Variants in GDF3 observed in about 807,000 individuals in gnomAD.
The protein encoded by GDF3 is growth differentiation factor 3, also known as growth/differentiation factor 3.
A neutral mutation model predicts 10.2 loss-of-function variants in GDF3; 10 were observed. The ratio of observed to expected loss-of-function variants is 0.98; its 90% CI spans 0.60 to 1.66. GDF3 has a LOEUF of 1.66. Among genes scored for constraint, GDF3 ranks in the 40% most tolerant of loss-of-function variants. The pLI is 0.00. For synonymous variants in GDF3, 166 were observed against 178.5 expected (o/e 0.93, Z 0.56); for missense variants, 450 against 438.3 (o/e 1.03, Z -0.24).
At chr12:7,691,622 T>C (rs1025442755) in intron 1 of GDF3, among the ~76,000 whole-genome samples, 1 of 151,822 alleles carries the variant, frequency 6.6e-6, no homozygotes, top group Non-Finnish European at 1.5e-5. Context: ...CCGAAATTTA[T>C]GGTAGTTATA....
intron 1 of GDF3, among the ~76,000 whole-genome samples, chr12:7,691,673 A>C (rs1489089875): frequency 6.6e-6 from 1 of 152,032 alleles, no homozygotes; most frequent in Non-Finnish European, 1.5e-5. Flanking sequence ...TATTACATGA[A>C]TAAAGCATTA....
At chr12:7,693,933 A>G (rs1477513020) in intron 1 of GDF3, among the ~76,000 whole-genome samples, 4 of 152,092 alleles carry the variant, frequency 2.6e-5, no homozygotes, top group Admixed American at 6.6e-5. Context: ...AGCCTGGGTG[A>G]CACAGCAAGA....
rs773125814 is a variant in GDF3 at position 7,690,879 on chromosome 12, C to T, written c.269-175G>A. On this transcript the variant is annotated intron_variant, in intron 1 of 1. Coordinates refer to ENST00000329913, the MANE Select transcript of GDF3 (RefSeq NM_020634.3). ...CTGAAAGCCAGAGGGTCCCCAGGTG[C>T]GGCGGCTCACGCCTGTAATCCCAGC... is the stretch of plus-strand genomic sequence containing the variant. Among the ~76,000 whole-genome samples, 10 of 152,040 alleles carry T rather than the reference C, an allele frequency of 6.6e-5. No homozygotes were observed. In the East Asian group the frequency reaches 1.6e-3, roughly 24 times the overall value.
In GDF3 at chr12:7,689,949, G is replaced by T; in HGVS notation, c.1024C>A (p.Gln342Lys). Residue 342 changes from glutamine (Q) to lysine (K), a missense_variant, in exon 2 of 2, where the codon CAG becomes AAG. Coordinates refer to ENST00000329913, the MANE Select transcript of GDF3 (RefSeq NM_020634.3). ...AGAATGACATTGTCATTATTGTCCT[G>T]GTAGAGCATGGAAATGGGAGACAGC... is the stretch of plus-strand genomic sequence containing the variant. ...TKLSPISMLYQDNNDNVILRH... is the reference protein window; with the variant it reads ...TKLSPISMLYKDNNDNVILRH... 6.2e-7 allele frequency: 1 copy of T among 1,613,770 alleles called. No individual in the cohort carries two copies. The highest frequency in any genetic ancestry group is 8.5e-7 in the Non-Finnish European group (1 of 1,179,682).
Position 7,690,719 on chromosome 12 carries a change from A to T in GDF3, c.269-15T>A. Reference sequence around the variant, plus strand: ...AAGAAAGAAACCTAGATGGGAAAAGAGACATGTCAGAGTCATAATGATGTA... The same window carrying T: ...AAGAAAGAAACCTAGATGGGAAAAGTGACATGTCAGAGTCATAATGATGTA... On this transcript the variant is annotated splice_polypyrimidine_tract_variant and intron_variant, in intron 1 of 1. Coordinates refer to ENST00000329913, the MANE Select transcript of GDF3 (RefSeq NM_020634.3). The T allele has an allele frequency of 7.2e-7, 1 of 1,397,640 alleles. No homozygotes were observed. Among genetic ancestry groups the T allele is most frequent in the Non-Finnish European group, 1.0e-6 (1 of 983,004 alleles). 86.6% of individuals were successfully genotyped at this position (1,397,640 alleles called of 1,614,324 possible).
intron 1 of GDF3, among the ~76,000 whole-genome samples, chr12:7,691,932 G>T (rs975193947): frequency 6.6e-6 from 1 of 151,860 alleles, no homozygotes; most frequent in African/African-American, 2.4e-5. Flanking sequence ...GTGTGAACCC[G>T]GGAGGCGGAG....
chr12:7,691,804 G>C lies in GDF3; in HGVS notation c.269-1100C>G, dbSNP rs148969878. Among the ~76,000 whole-genome samples, 516 of 150,004 alleles carry C rather than the reference G, an allele frequency of 3.4e-3. 3 individuals are homozygous for C. The highest frequency in any genetic ancestry group is 0.012 in the African/African-American group (481 of 40,972). On this transcript the variant is annotated intron_variant, in intron 1 of 1. Transcript: ENST00000329913. Reference sequence around the variant, plus strand: ...GGGCGGATCACGAGATGAGGAGATCGAGACCATCCTGGCTAACACGGTAAA... The same window carrying C: ...GGGCGGATCACGAGATGAGGAGATCCAGACCATCCTGGCTAACACGGTAAA...
At chr12:7,694,708 C>T (rs1272600645) in intron 1 of GDF3, among the ~76,000 whole-genome samples, 1 of 151,358 alleles carries the variant, frequency 6.6e-6, no homozygotes, top group Non-Finnish European at 1.5e-5. Flanking sequence ...TGCTGTAAAA[C>T]TAACCAAGGC....
Position 7,690,665 on chromosome 12 carries a change from G to A in GDF3, c.308C>T (p.Ser103Phe), listed in dbSNP as rs1243371429. 1.9e-6 allele frequency: 3 copies of A among 1,613,444 alleles called. No homozygotes were observed. The highest frequency in any genetic ancestry group is 4.5e-5 in the East Asian group (2 of 44,866). The change falls in exon 2 of 2, where the codon TCC (serine) becomes TTC (phenylalanine). Residue 103 changes from serine (S) to phenylalanine (F), a missense_variant. By Grantham distance (155) the Ser-to-Phe change is radical (BLOSUM62 -2). Transcript: ENST00000329913. ...AAAGTAGAGGAGCTTCTGCAGGCAG[G>A]AGGAAGCTTGGGAAATTTTCTTTGG... ...LYPKKISQAS[S>F]CLQKLLYFNL...
intron 1 of GDF3, among the ~76,000 whole-genome samples, chr12:7,691,745 T>A (rs7961529): frequency 7.9e-5 from 12 of 151,400 alleles, no homozygotes; most frequent in Non-Finnish European, 1.8e-4. Flanking sequence ...TGGTGGCTCA[T>A]GCCTGTAATC....
intron 1 of GDF3, among the ~76,000 whole-genome samples, chr12:7,693,080 G>A (rs754807326): frequency 8.5e-5 from 13 of 152,152 alleles, no homozygotes; most frequent in Non-Finnish European, 1.5e-4. Context: ...CTAGGAAAAG[G>A]CCCAATACAG....
Position 7,690,602 on chromosome 12 carries a change from A to G in GDF3, c.371T>C (p.Leu124Ser). 6.2e-7 allele frequency: 1 copy of G among 1,607,174 alleles called. No homozygotes were observed. The highest frequency in any genetic ancestry group is 8.5e-7 in the Non-Finnish European group (1 of 1,177,172). The change falls in exon 2 of 2, where the codon TTG becomes TCG. Residue 124 changes from leucine (L) to serine (S), a missense_variant. Coordinates refer to ENST00000329913, the MANE Select transcript of GDF3 (RefSeq NM_020634.3). ...CCCCAAGTCCAGGCCCAGCTGGGCCAATGTCAACTGTTCCCTTTCTTTGAT... is the reference window on the plus strand; with the variant it reads ...CCCCAAGTCCAGGCCCAGCTGGGCCGATGTCAACTGTTCCCTTTCTTTGAT... ...SAIKEREQLT[L>S]AQLGLDLGPN...
chr12:7,692,434 TAA>T (rs762903239), intron 1 of GDF3, among the ~76,000 whole-genome samples: 95 of 135,798 alleles, frequency 7.0e-4, no homozygotes, highest in Non-Finnish European at 7.8e-4. Context: ...CCGTCTCAGT[TAA>T]AAAAAAAAAA....
Position 7,695,672 on chromosome 12 carries a change from G to A in GDF3, c.57C>T (p.Gly19=), listed in dbSNP as rs144267553. Residue 19 remains glycine (G), a synonymous_variant, in exon 1 of 2, where the codon GGC becomes GGT. Transcript: ENST00000329913. The part of the protein sequence containing the change: ...AFSFLLILAL[G]QAVQFQEYVF... Reference sequence around the variant, plus strand: ...CATATTCTTGAAATTGGACTGCCTGGCCCAAAGCCAGAATTAACAGGAAGC... The same window carrying A: ...CATATTCTTGAAATTGGACTGCCTGACCCAAAGCCAGAATTAACAGGAAGC... 8.8e-5 allele frequency: 142 copies of A among 1,614,106 alleles called. No homozygotes were observed. The African/African-American group carries it at 1.7e-3, about 20-fold the overall frequency.
At chr12:7,695,203 C>A (rs1217504917) in intron 1 of GDF3, among the ~76,000 whole-genome samples, 1 of 152,152 alleles carries the variant, frequency 6.6e-6, no homozygotes, top group Non-Finnish European at 1.5e-5. Flanking sequence ...ATTTCAAATC[C>A]TGACTTTGTT....
chr12:7,690,170 T>C lies in GDF3; in HGVS notation c.803A>G (p.Gln268Arg). The C allele has an allele frequency of 6.2e-7, 1 of 1,614,104 alleles. No homozygotes were observed. Among genetic ancestry groups the C allele is most frequent in the Non-Finnish European group, 8.5e-7 (1 of 1,180,040 alleles). Residue 268 changes from glutamine (Q) to arginine (R), a missense_variant, in exon 2 of 2, where the codon CAG (glutamine) becomes CGG (arginine). By Grantham distance (43) the Gln-to-Arg change is conservative (BLOSUM62 1). Coordinates refer to ENST00000329913, the MANE Select transcript of GDF3 (RefSeq NM_020634.3). ...LSCKNLCHRH[Q>R]LFINFRDLGW... is the part of the protein sequence containing the mutation. ...CAGGTCCCGGAAGTTAATGAATAGC[T>C]GGTGACGGTGGCAGAGGTTCTTACA...
chr12:7,690,040 A>G lies in GDF3; in HGVS notation c.933T>C (p.Ala311=). ...CGGCATGCATCAGGGCTTGCATGAA[A>G]GCATAATTGGAGCTGTTGAGAGAGA... ...LTISLNSSNY[A]FMQALMHAVD... The change falls in exon 2 of 2, where the codon GCT becomes GCC. Residue 311 remains alanine (A), a synonymous_variant. Coordinates refer to ENST00000329913, the MANE Select transcript of GDF3 (RefSeq NM_020634.3). 2 of 1,614,146 alleles carry G rather than the reference A, an allele frequency of 1.2e-6. No homozygotes were observed. The highest frequency in any genetic ancestry group is 2.7e-5 in the African/African-American group (2 of 75,032).
At chr12:7,695,379 A>G (rs1864171947) in intron 1 of GDF3, 82 bp downstream of exon 1, 1 of 1,250,184 alleles carries the variant, frequency 8.0e-7, no homozygotes, top group Non-Finnish European at 1.2e-6. Context: ...GGCCATCAGT[A>G]ATTGTCATTT....
In GDF3 at chr12:7,690,198, A is replaced by C; in HGVS notation, c.775T>G (p.Ser259Ala). Residue 259 changes from serine to alanine, a missense_variant, in exon 2 of 2, where the codon TCT becomes GCT. Coordinates refer to ENST00000329913, the MANE Select transcript of GDF3 (RefSeq NM_020634.3). ...RRAAIPVPKLSCKNLCHRHQL... is the reference protein window; with the variant it reads ...RRAAIPVPKLACKNLCHRHQL... ...TGACGGTGGCAGAGGTTCTTACAAG[A>C]AAGCTTGGGGACAGGGATGGCTGCT... 6.2e-7 allele frequency: 1 copy of C among 1,614,108 alleles called. No homozygotes were observed. The highest frequency in any genetic ancestry group is 8.5e-7 in the Non-Finnish European group (1 of 1,180,030).
Sources: gnomAD v4.1 joint callset for allele counts (sites outside exome capture counted in the v4.1 genomes callset) on GRCh38, gnomAD v4.1.1 for gene constraint, MANE v1.5 for transcripts, NCBI Gene and HGNC (gene_info 2026-07-23, HGNC 2026-07-21) for gene names.